FOXP2: variants seen among roughly 807,000 people sequenced by gnomAD.
FOXP2 encodes the protein forkhead box protein P2.
Under a neutral mutation model 115.8 loss-of-function variants are expected in FOXP2, and 12 were observed. The observed-to-expected ratio is 0.10, with a 90% CI of 0.07 to 0.17. The LOEUF (loss-of-function observed/expected upper bound fraction) is 0.17, where lower values mean the gene tolerates loss of function less well. Ranked by LOEUF, FOXP2 falls within the 10% of genes least tolerant of loss-of-function variation. The probability of loss-of-function intolerance (pLI) is 1.00; values close to 1 mark genes in which losing one functional copy is unlikely to be tolerated. For synonymous variants in FOXP2, 328 were observed against 297.7 expected (o/e 1.10, Z -1.05); for missense variants, 629 against 843.5 (o/e 0.75, Z 3.15).
intron 2 of FOXP2, among the ~76,000 whole-genome samples, chr7:114,386,241 G>A (rs1370841303): frequency 2.6e-5 from 4 of 152,188 alleles, no homozygotes; most frequent in Admixed American, 6.5e-5. Context: ...GCAGTTGCAA[G>A]ATTTAATAGA....
intron 2 of FOXP2, among the ~76,000 whole-genome samples, chr7:114,437,700 A>G (rs1457248993): frequency 6.6e-6 from 1 of 152,198 alleles, no homozygotes; most frequent in African/African-American, 2.4e-5. Flanking sequence ...TCAAATATGT[A>G]AGTATCCCAA....
At chr7:114,367,623 T>C (rs1355447165) in intron 2 of FOXP2, among the ~76,000 whole-genome samples, 1 of 152,186 alleles carries the variant, frequency 6.6e-6, no homozygotes, top group Non-Finnish European at 1.5e-5. Context: ...TGAACTATCA[T>C]AGGTACTTGA....
At chr7:114,524,391 TTTG>T (rs1305597071) in intron 2 of FOXP2, among the ~76,000 whole-genome samples, 3 of 152,178 alleles carry the variant, frequency 2.0e-5, no homozygotes, top group Admixed American at 2.0e-4. Flanking sequence ...TAACTCAGAA[TTTG>T]TTTTGTTCTC....
intron 2 of FOXP2, among the ~76,000 whole-genome samples, chr7:114,362,984 A>G (rs1791789395): frequency 6.6e-6 from 1 of 152,040 alleles, no homozygotes; most frequent in Admixed American, 6.6e-5. Flanking sequence ...AACATTTCTC[A>G]ATGACTTTGG....
intron 3 of FOXP2, among the ~76,000 whole-genome samples, chr7:114,548,526 T>C (rs142745159): frequency 2.0e-5 from 3 of 152,326 alleles, no homozygotes; most frequent in African/African-American, 7.2e-5. Context: ...TGAAATACTT[T>C]AGTGAAATAA....
intron 2 of FOXP2, among the ~76,000 whole-genome samples, chr7:114,408,964 T>C (rs1393747648): frequency 1.3e-5 from 2 of 152,072 alleles, no homozygotes; most frequent in African/African-American, 2.4e-5. Context: ...TGTAATTCTA[T>C]AGAGTTCTAT....
chr7:114,585,131 C>A lies in FOXP2; in HGVS notation c.259-43409C>A, dbSNP rs545708750. On this transcript the variant is annotated intron_variant, in intron 3 of 16. Coordinates refer to ENST00000350908, the MANE Select transcript of FOXP2 (RefSeq NM_014491.4). ...TCAAATGGTAGTTTATCCTTACTAACGAAGAAAAGTTTCTGAAGTATGTAA... is the reference window on the plus strand; with the variant it reads ...TCAAATGGTAGTTTATCCTTACTAAAGAAGAAAAGTTTCTGAAGTATGTAA... 3.9e-5 allele frequency among the ~76,000 whole-genome samples: 6 copies of A among 152,140 alleles called. No homozygotes were observed. The South Asian group carries it at 1.0e-3, about 26-fold the overall frequency.
At chr7:114,451,444 G>A (rs2129218780) in intron 2 of FOXP2, among the ~76,000 whole-genome samples, 1 of 152,126 alleles carries the variant, frequency 6.6e-6, no homozygotes, top group Middle Eastern at 3.4e-3. Flanking sequence ...ACTCCATGTG[G>A]ATGGGGGAAT....
chr7:114,406,288 T>C (rs954572242), intron 2 of FOXP2, among the ~76,000 whole-genome samples: 1 of 152,102 alleles, frequency 6.6e-6, no homozygotes, highest in African/African-American at 2.4e-5. Context: ...CTGTTTTGAA[T>C]GTATATCAGT....
At chr7:114,348,679 CTG>C (rs1449423231) in intron 2 of FOXP2, among the ~76,000 whole-genome samples, 1 of 152,006 alleles carries the variant, frequency 6.6e-6, no homozygotes, top group Non-Finnish European at 1.5e-5. Flanking sequence ...ATCTGTAAAA[CTG>C]TAAGATTAAA....
At chr7:114,201,544 T>C (rs12533556) in intron 1 of FOXP2, among the ~76,000 whole-genome samples, 87,186 of 152,056 alleles carry the variant, frequency 0.57, 28,173 homozygotes, top group Admixed American at 0.75. Flanking sequence ...GAATTGATCA[T>C]TTTACTGATA....
intron 16 of FOXP2, chr7:114,668,385 CT>C (rs1807293461): frequency 6.6e-6 from 1 of 152,094 alleles, no homozygotes; most frequent in East Asian, 1.9e-4. Context: ...CCAGTTTTCG[CT>C]TTATTCAGTG....
intron 1 of FOXP2, among the ~76,000 whole-genome samples, chr7:114,189,615 A>C (rs1234939889): frequency 6.6e-6 from 1 of 152,192 alleles, no homozygotes; most frequent in African/African-American, 2.4e-5. Flanking sequence ...TCTTATCCTG[A>C]ATAACCTTAT....
intron 15 of FOXP2, 115 bp from the exon 16 acceptor site, chr7:114,664,158 A>T: frequency 8.3e-7 from 1 of 1,211,202 alleles, no homozygotes; most frequent in South Asian, 1.3e-5. Flanking sequence ...ATTTTCTTTT[A>T]ATCCTTCTAA....
intron 2 of FOXP2, among the ~76,000 whole-genome samples, chr7:114,478,138 T>C (rs1251238336): frequency 6.6e-6 from 1 of 151,848 alleles, no homozygotes; most frequent in Non-Finnish European, 1.5e-5. Context: ...TAGATAAAGT[T>C]ATTAAGAAGT....
chr7:114,684,899 A>G (rs1808280853), intron 16 of FOXP2, among the ~76,000 whole-genome samples: 1 of 152,174 alleles, frequency 6.6e-6, no homozygotes, highest in Non-Finnish European at 1.5e-5. Context: ...TGAAACTGTA[A>G]TATACTAGTT....
chr7:114,220,752 T>C (rs1794600167), intron 1 of FOXP2, among the ~76,000 whole-genome samples: 1 of 152,204 alleles, frequency 6.6e-6, no homozygotes, highest in African/African-American at 2.4e-5. Flanking sequence ...AATAGAAATA[T>C]GTTAAATACT....
upstream of FOXP2, among the ~76,000 whole-genome samples, chr7:114,160,991 A>G (rs1276382039): frequency 6.6e-6 from 1 of 152,198 alleles, no homozygotes; most frequent in Non-Finnish European, 1.5e-5. Flanking sequence ...CAGGACAACA[A>G]AAAGTATTTG....
chr7:114,136,559 T>C (rs1792043982), intron 1 of FOXP2, among the ~76,000 whole-genome samples: 1 of 151,964 alleles, frequency 6.6e-6, no homozygotes, highest in Non-Finnish European at 1.5e-5. Flanking sequence ...TAAATCCTTA[T>C]TGCTTTCTAA....
Sources: gnomAD v4.1 joint callset for allele counts (sites outside exome capture counted in the v4.1 genomes callset) on GRCh38, gnomAD v4.1.1 for gene constraint, MANE v1.5 for transcripts, NCBI Gene and HGNC (gene_info 2026-07-23, HGNC 2026-07-21) for gene names.